DOK6: variants seen among roughly 807,000 people sequenced by gnomAD.
DOK6 encodes the protein downstream of tyrosine kinase 6.
Under a neutral mutation model 44.0 loss-of-function variants are expected in DOK6, and 22 were observed. The observed-to-expected ratio is 0.50, with a 90% CI of 0.36 to 0.71. The LOEUF (loss-of-function observed/expected upper bound fraction) is 0.71, where lower values mean the gene tolerates loss of function less well. Among genes scored for constraint, DOK6 ranks in the 30% least tolerant of loss-of-function variants. The pLI is 0.00. For synonymous variants in DOK6, 166 were observed against 145.5 expected, an observed-to-expected ratio of 1.14 and a Z score of -1.01; for missense variants, 340 against 416.4, an observed-to-expected ratio of 0.82 and a Z score of 1.60.
At chr18:69,798,359 C>T (rs1790580) in intron 7 of DOK6, among the ~76,000 whole-genome samples, 2 of 151,720 alleles carry the variant, frequency 1.3e-5, no homozygotes, top group East Asian at 1.9e-4. Flanking sequence ...TTATTGTGAA[C>T]GATGGTTATA....
In DOK6 at chr18:69,712,324, AAAT is replaced by A. The variant is rs1474933444; in HGVS notation, c.599+13732_599+13734del. Among the ~76,000 whole-genome samples the A allele has an allele frequency of 5.0e-4, 29 of 58,090 alleles. 12 individuals are homozygous for A. Among genetic ancestry groups the A allele is most frequent in the South Asian group, 1.2e-3 (2 of 1,638 alleles). The allele number at this position is 58,090 out of a possible 152,430, so 38.1% of individuals were successfully genotyped here. A position where few individuals can be genotyped will look rare whatever the true frequency, so the allele number is the denominator to read the frequency against. On this transcript the variant is annotated intron_variant, in intron 5 of 7. Coordinates refer to ENST00000382713, the MANE Select transcript of DOK6 (RefSeq NM_152721.6). Reference sequence around the variant, plus strand: ...AAAAAAAAAAAAAAAAAAAAAAAAAAAATTTAACCTTTTCCGAATCACATTTGT... The same window carrying A: ...AAAAAAAAAAAAAAAAAAAAAAAAAATTAACCTTTTCCGAATCACATTTGT...
chr18:69,585,876 TA>T (rs1216855979), intron 2 of DOK6, among the ~76,000 whole-genome samples: 4 of 152,234 alleles, frequency 2.6e-5, no homozygotes, highest in Admixed American at 2.6e-4. Context: ...GTGACACTTT[TA>T]AAAGTTGATG....
At chr18:69,780,507 A>G (rs1568124502) in intron 7 of DOK6, among the ~76,000 whole-genome samples, 1 of 152,216 alleles carries the variant, frequency 6.6e-6, no homozygotes, top group South Asian at 2.1e-4. Context: ...CAGGAGAGTC[A>G]CTTGAACCCA....
At chr18:69,555,872 A>G (rs1982674693) in intron 1 of DOK6, among the ~76,000 whole-genome samples, 1 of 152,186 alleles carries the variant, frequency 6.6e-6, no homozygotes, top group African/African-American at 2.4e-5. Context: ...GTTAGCAGAT[A>G]CTGACATTTT....
rs928957253 is a variant in DOK6, at chr18:69,550,513, G to A, written c.67-13974G>A. 2.6e-5 allele frequency among the ~76,000 whole-genome samples: 4 copies of A among 152,106 alleles called. No homozygotes were observed. The East Asian group carries it at 7.7e-4, about 29-fold the overall frequency. The stretch of plus-strand genomic sequence containing the variant: ...CCTGGGTAAACAACAACTTAACTTT[G>A]TTTAATCCAGCATTTTGCAGAATCA... On this transcript the variant is annotated intron_variant, in intron 1 of 7. Coordinates refer to ENST00000382713, the MANE Select transcript of DOK6 (RefSeq NM_152721.6).
chr18:69,467,695 TTAGGAAACC>T (rs1384119674), intron 1 of DOK6, among the ~76,000 whole-genome samples: 1 of 152,216 alleles, frequency 6.6e-6, no homozygotes. Flanking sequence ...TCGGTGCTTT[TTAGGAAACC>T]TATCCTTTTG....
At chr18:69,789,153 C>T (rs369086734) in intron 7 of DOK6, among the ~76,000 whole-genome samples, 4 of 152,106 alleles carry the variant, frequency 2.6e-5, no homozygotes, top group Admixed American at 1.3e-4. Context: ...GAAAATGATG[C>T]TAGTACAATT....
chr18:69,518,930 A>G (rs1348297), intron 1 of DOK6, among the ~76,000 whole-genome samples: 55,730 of 151,744 alleles, frequency 0.37, 10,796 homozygotes, highest in South Asian at 0.45. Context: ...ATTGTCAGGT[A>G]CATAAAGTTA....
At chr18:69,435,664 T>C (rs1202207502) in intron 1 of DOK6, among the ~76,000 whole-genome samples, 1 of 152,248 alleles carries the variant, frequency 6.6e-6, no homozygotes, top group African/African-American at 2.4e-5. Context: ...AATATCATTT[T>C]TCACCTTAAT....
At chr18:69,538,231 T>C (rs1484110808) in intron 1 of DOK6, among the ~76,000 whole-genome samples, 1 of 152,140 alleles carries the variant, frequency 6.6e-6, no homozygotes, top group Non-Finnish European at 1.5e-5. Context: ...GAAAAATAAG[T>C]CTTAGAGCAA....
chr18:69,691,225 A>G (rs916903490), intron 4 of DOK6, among the ~76,000 whole-genome samples: 41 of 151,322 alleles, frequency 2.7e-4, no homozygotes, highest in African/African-American at 9.9e-4. Flanking sequence ...ATAAATAAAT[A>G]AATAAAAATA....
At chr18:69,575,695 A>C (rs1484242453) in intron 2 of DOK6, among the ~76,000 whole-genome samples, 2 of 152,176 alleles carry the variant, frequency 1.3e-5, no homozygotes, top group Non-Finnish European at 2.9e-5. Context: ...GGTTATAGTA[A>C]TTATCAATAC....
intron 1 of DOK6, among the ~76,000 whole-genome samples, chr18:69,427,098 T>G (rs1323369006): frequency 6.6e-6 from 1 of 152,192 alleles, no homozygotes; most frequent in Non-Finnish European, 1.5e-5. Context: ...ATATGGTATT[T>G]GGTTATATGT....
chr18:69,747,001 T>A (rs1238622571), intron 6 of DOK6, among the ~76,000 whole-genome samples: 1 of 152,184 alleles, frequency 6.6e-6, no homozygotes, highest in African/African-American at 2.4e-5. Context: ...CTCTGAAACC[T>A]CAGAGCCATC....
At chr18:69,794,302 T>G (rs2145100162) in intron 7 of DOK6, among the ~76,000 whole-genome samples, 1 of 152,344 alleles carries the variant, frequency 6.6e-6, no homozygotes, top group Non-Finnish European at 1.5e-5. Flanking sequence ...CCTTTTGCAC[T>G]GTTCTAGGGT....
chr18:69,533,973 C>T (rs1982052396), intron 1 of DOK6, among the ~76,000 whole-genome samples: 1 of 152,178 alleles, frequency 6.6e-6, no homozygotes, highest in Non-Finnish European at 1.5e-5. Flanking sequence ...TGCATGCCTA[C>T]ATGACCTCCA....
intron 7 of DOK6, among the ~76,000 whole-genome samples, chr18:69,781,823 C>T (rs974705960): frequency 5.9e-5 from 9 of 152,092 alleles, no homozygotes; most frequent in African/African-American, 2.2e-4. Flanking sequence ...GTGATCTTTT[C>T]ATCCAGATGA....
chr18:69,506,793 T>C (rs1981200492), intron 1 of DOK6, among the ~76,000 whole-genome samples: 1 of 151,962 alleles, frequency 6.6e-6, no homozygotes, highest in Admixed American at 6.6e-5. Context: ...TGTGTGTACA[T>C]TCAGTATTAT....
intron 1 of DOK6, among the ~76,000 whole-genome samples, chr18:69,481,073 G>A (rs1411740412): frequency 6.6e-6 from 1 of 152,080 alleles, no homozygotes; most frequent in Non-Finnish European, 1.5e-5. Flanking sequence ...GGGAGACCCA[G>A]CCAAAACCAG....
Sources: allele counts gnomAD v4.1 joint callset (sites outside exome capture counted in the v4.1 genomes callset), GRCh38; gene constraint gnomAD v4.1.1; transcripts MANE v1.5; gene names NCBI Gene and HGNC (gene_info 2026-07-23, HGNC 2026-07-21).